GDA: variants seen among roughly 807,000 people sequenced by gnomAD.
GDA encodes guanine deaminase, also known as cytoplasmic PSD-95 interactor.
GDA carries 18 observed loss-of-function variants against 59.6 expected under a neutral mutation model. That is an observed-to-expected ratio of 0.30 (90% CI 0.21 to 0.45). GDA has a LOEUF of 0.45. GDA is among the 20% of genes least tolerant of loss of function. The probability of loss-of-function intolerance (pLI) is 1.00; values close to 1 mark genes in which losing one functional copy is unlikely to be tolerated. For synonymous variants in GDA, 201 were observed against 201.1 expected (o/e 1.00, Z 0.00); for missense variants, 427 against 552.3 (o/e 0.77, Z 2.27).
At chr9:72,170,957 C>A (rs766921887) in intron 1 of GDA, among the ~76,000 whole-genome samples, 1 of 152,156 alleles carries the variant, frequency 6.6e-6, no homozygotes, top group African/African-American at 2.4e-5. Context: ...CCTGGGACTA[C>A]AGGCGTGCAC....
At chr9:72,168,255 C>T (rs1307200769) in intron 1 of GDA, among the ~76,000 whole-genome samples, 5 of 151,928 alleles carry the variant, frequency 3.3e-5, no homozygotes, top group Non-Finnish European at 5.9e-5. Flanking sequence ...AAAACACGAG[C>T]TGGGCATAGT....
upstream of GDA, among the ~76,000 whole-genome samples, chr9:72,147,616 ATTT>A: frequency 6.7e-6 from 1 of 148,944 alleles, no homozygotes; most frequent in Non-Finnish European, 1.5e-5. Context: ...ACTAGTCTCT[ATTT>A]TTTTTTTTTG....
intron 1 of GDA, 38 bp from the exon 2 acceptor site, chr9:72,195,462 A>G: frequency 1.2e-6 from 1 of 842,762 alleles, no homozygotes; most frequent in East Asian, 2.6e-5. Context: ...GTGACTCACT[A>G]ATATGTGTTT....
chr9:72,213,458 A>G (rs1835641885), intron 4 of GDA, among the ~76,000 whole-genome samples: 1 of 152,120 alleles, frequency 6.6e-6, no homozygotes, highest in African/African-American at 2.4e-5. Context: ...ATTTTCATTT[A>G]TGTTTTCCAT....
intron 2 of GDA, chr9:72,197,601 T>C (rs2131293379): frequency 6.6e-6 from 1 of 152,192 alleles, no homozygotes; most frequent in South Asian, 2.1e-4. Flanking sequence ...TGAGGTTGCT[T>C]TTGAAATTAA....
At chr9:72,139,148 A>G (rs1489387871) in intron 1 of GDA, among the ~76,000 whole-genome samples, 1 of 152,214 alleles carries the variant, frequency 6.6e-6, no homozygotes, top group African/African-American at 2.4e-5. Context: ...AACAGAAATG[A>G]TCAAAGTAGG....
intron 1 of GDA, among the ~76,000 whole-genome samples, chr9:72,138,059 T>G (rs1366039724): frequency 6.6e-6 from 1 of 152,146 alleles, no homozygotes; most frequent in Non-Finnish European, 1.5e-5. Flanking sequence ...GAGAGTTGTG[T>G]ATCTGTTCCC....
intron 12 of GDA, among the ~76,000 whole-genome samples, chr9:72,245,542 T>C (rs1840050821): frequency 2.0e-5 from 3 of 152,224 alleles, no homozygotes; most frequent in South Asian, 2.1e-4. Flanking sequence ...CTAGCACTCA[T>C]TGAACACTTG....
rs1389790606 is a variant in GDA, at chr9:72,118,281, A to G, written c.-100+3448A>G. Among the ~76,000 whole-genome samples, 1,073 of 149,484 alleles carry G rather than the reference A, an allele frequency of 7.2e-3. 13 individuals are homozygous for G. Among genetic ancestry groups the G allele is most frequent in the African/African-American group, 0.025 (1,023 of 40,426 alleles). On this transcript the variant is annotated intron_variant, in intron 1 of 13. Coordinates refer to the GDA transcript ENST00000545168. ...AGCAAGAGACTCCACCTCAAAAAAAAAAAAAAAAAAAAAAAAGAATGTAAA... is the reference window on the plus strand; with the variant it reads ...AGCAAGAGACTCCACCTCAAAAAAAGAAAAAAAAAAAAAAAAGAATGTAAA...
chr9:72,231,895 G>A (rs772577324), intron 10 of GDA, among the ~76,000 whole-genome samples: 1 of 152,220 alleles, frequency 6.6e-6, no homozygotes, highest in Admixed American at 6.5e-5. Context: ...TTAAGAATTG[G>A]TTTTGCTTTT....
At chr9:72,118,838 C>G (rs1825560890) in intron 1 of GDA, among the ~76,000 whole-genome samples, 1 of 152,130 alleles carries the variant, frequency 6.6e-6, no homozygotes, top group East Asian at 1.9e-4. Context: ...TTTAACATTG[C>G]ATGACAAAGG....
intron 2 of GDA, among the ~76,000 whole-genome samples, chr9:72,197,000 T>C (rs1833274364): frequency 6.6e-6 from 1 of 152,188 alleles, no homozygotes; most frequent in Admixed American, 6.5e-5. Context: ...ATTGGTACCA[T>C]TTATATTCTG....
At chr9:72,207,721 A>G (rs528805756) in intron 3 of GDA, among the ~76,000 whole-genome samples, 1 of 152,284 alleles carries the variant, frequency 6.6e-6, no homozygotes, top group African/African-American at 2.4e-5. Flanking sequence ...TTACATGAAA[A>G]TTATCTTAAT....
chr9:72,192,623 T>C (rs1832694750), intron 1 of GDA, among the ~76,000 whole-genome samples: 1 of 151,246 alleles, frequency 6.6e-6, no homozygotes, highest in African/African-American at 2.4e-5. Flanking sequence ...GCCTCACACC[T>C]GTAATCCCAG....
chr9:72,171,660 C>G (rs745802295), intron 1 of GDA, among the ~76,000 whole-genome samples: 3 of 152,000 alleles, frequency 2.0e-5, no homozygotes, highest in Non-Finnish European at 4.4e-5. Flanking sequence ...CTTAGAATCT[C>G]TTTTTTTCTT....
intron 1 of GDA, among the ~76,000 whole-genome samples, chr9:72,162,281 A>G (rs1828728264): frequency 6.6e-6 from 1 of 152,184 alleles, no homozygotes; most frequent in Admixed American, 6.5e-5. Context: ...TTCCTGCCTT[A>G]TTTGCACTCG....
rs772067674 is a variant in GDA at position 72,219,425 on chromosome 9, A to T, written c.579-54A>T. 146 of 1,313,576 alleles carry T rather than the reference A, an allele frequency of 1.1e-4. 3 individuals carry two copies. The East Asian group carries it at 3.1e-3, about 28-fold the overall frequency. The allele number at this position is 1,313,576 out of a possible 1,614,324, so 81.4% of individuals were successfully genotyped here. A position where few individuals can be genotyped will look rare whatever the true frequency, so the allele number is the denominator to read the frequency against. ...CTGAAGAAAAAAATAATAATAAAGA[A>T]AAGAAAAAAAGAAAATGCTCAAGTT... On this transcript the variant is annotated intron_variant, in intron 5 of 13. Transcript: ENST00000358399.
intron 8 of GDA, among the ~76,000 whole-genome samples, chr9:72,225,986 C>G (rs11143180): frequency 0.033 from 4,556 of 137,076 alleles, 79 homozygotes; most frequent in Non-Finnish European, 0.042. Flanking sequence ...AGAGTAAAGC[C>G]TAGTGTGTGT....
intron 1 of GDA, among the ~76,000 whole-genome samples, chr9:72,124,824 G>T (rs1381332210): frequency 1.3e-5 from 2 of 152,100 alleles, no homozygotes; most frequent in East Asian, 1.9e-4. Context: ...TGGTCAGGCT[G>T]GTCTCGAACT....
Sources: gnomAD v4.1 joint callset for allele counts (sites outside exome capture counted in the v4.1 genomes callset) on GRCh38, gnomAD v4.1.1 for gene constraint, MANE v1.5 for transcripts, NCBI Gene and HGNC (gene_info 2026-07-23, HGNC 2026-07-21) for gene names.